Variants in SVIL observed in about 807,000 individuals in gnomAD.
The protein encoded by SVIL is supervillin, also known as archvillin.
A neutral mutation model predicts 240.4 loss-of-function variants in SVIL; 101 were observed. The ratio of observed to expected loss-of-function variants is 0.42; its 90% CI spans 0.36 to 0.50. SVIL has a LOEUF of 0.50. Among genes scored for constraint, SVIL ranks in the 20% least tolerant of loss-of-function variants. SVIL has a pLI of 0.01. For missense variants in SVIL, 2,512 were observed against 2,818.7 expected (o/e 0.89, Z 2.46); for synonymous variants, 999 against 1,100.0 (o/e 0.91, Z 1.82).
chr10:29,524,744 T>C, intron 13 of SVIL, 29 bp from the exon 14 acceptor site: 2 of 1,607,148 alleles, frequency 1.2e-6, no homozygotes, highest in Non-Finnish European at 1.7e-6. Context: ...CAGCAACACA[T>C]ATACCAACAA....
intron 2 of SVIL, among the ~76,000 whole-genome samples, chr10:29,565,597 T>C (rs7096551): frequency 0.43 from 65,683 of 152,000 alleles, 14,279 homozygotes; most frequent in African/African-American, 0.47. Context: ...CACTGCCTAT[T>C]GTGACCATCA....
intron 7 of SVIL, 30 bp downstream of exon 7, chr10:29,535,959 A>T: frequency 5.0e-6 from 8 of 1,612,580 alleles, no homozygotes; most frequent in Non-Finnish European, 5.1e-6. Flanking sequence ...ACTCATGCAC[A>T]CAAGCCCCAG....
At chr10:29,713,473 T>C (rs1045472681) in intron 1 of SVIL, among the ~76,000 whole-genome samples, 10 of 152,234 alleles carry the variant, frequency 6.6e-5, no homozygotes, top group Admixed American at 5.9e-4. Context: ...CACGATCTGA[T>C]TTTTTCAGCC....
chr10:29,722,296 C>A lies in SVIL; in HGVS notation c.-400+13455G>T, dbSNP rs193244875. Among the ~76,000 whole-genome samples the A allele has an allele frequency of 2.7e-5, 4 of 148,620 alleles. No homozygotes were observed. In the East Asian group the frequency reaches 5.9e-4, roughly 22 times the overall value. ...TCAGCAAGTACGAGTTTTTAAAATG[C>A]AAAAATTTCCCAAATTTCTACTGAA... On this transcript the variant is annotated intron_variant, in intron 1 of 35. Coordinates refer to the SVIL transcript ENST00000375400.
At chr10:29,632,785 G>T (rs1375741757) in intron 1 of SVIL, among the ~76,000 whole-genome samples, 1 of 152,110 alleles carries the variant, frequency 6.6e-6, no homozygotes, top group Non-Finnish European at 1.5e-5. Flanking sequence ...TACTACAATA[G>T]CTTGTATAAC....
At chr10:29,510,343 C>A (rs2132481372) in intron 17 of SVIL, among the ~76,000 whole-genome samples, 1 of 152,194 alleles carries the variant, frequency 6.6e-6, no homozygotes, top group African/African-American at 2.4e-5. Flanking sequence ...AATGTGACTC[C>A]AAGGAAATTT....
chr10:29,659,549 T>C (rs1959097479), intron 2 of SVIL, among the ~76,000 whole-genome samples: 1 of 152,172 alleles, frequency 6.6e-6, no homozygotes, highest in South Asian at 2.1e-4. Context: ...GCCTGGTTTA[T>C]CCAGCATAGA....
At chr10:29,508,467 A>G in intron 17 of SVIL, 1 of 1,191,112 alleles carries the variant, frequency 8.4e-7, no homozygotes, top group South Asian at 1.3e-5. Flanking sequence ...AATCACCTTC[A>G]AGTATTTCAT....
chr10:29,560,741 T>C (rs1954380966), intron 3 of SVIL, among the ~76,000 whole-genome samples: 1 of 152,044 alleles, frequency 6.6e-6, no homozygotes, highest in Non-Finnish European at 1.5e-5. Context: ...ATGAAATTGC[T>C]GGTCTTTCCA....
At chr10:29,485,513 T>G (rs16930268) in intron 26 of SVIL, among the ~76,000 whole-genome samples, 12,319 of 152,286 alleles carry the variant, frequency 0.081, 518 homozygotes, top group Admixed American at 0.12. Context: ...TTTCTGTGAC[T>G]TTTCCCTCAT....
intron 1 of SVIL, among the ~76,000 whole-genome samples, chr10:29,589,270 TCGA>T (rs1956293584): frequency 6.6e-6 from 1 of 152,178 alleles, no homozygotes; most frequent in South Asian, 2.1e-4. Flanking sequence ...CCGCACGGCC[TCGA>T]CACTGAAGCA....
chr10:29,478,653 A>G (rs1476972678), intron 29 of SVIL, among the ~76,000 whole-genome samples: 1 of 152,132 alleles, frequency 6.6e-6, no homozygotes, highest in East Asian at 1.9e-4. Flanking sequence ...TAAGAAATTA[A>G]GTAGATGAGG....
intron 3 of SVIL, among the ~76,000 whole-genome samples, chr10:29,557,696 T>G (rs1381476725): frequency 6.6e-6 from 1 of 152,236 alleles, no homozygotes; most frequent in Non-Finnish European, 1.5e-5. Flanking sequence ...AAAGATCTAG[T>G]TGGGAGACTG....
Position 29,524,471 on chromosome 10 carries a change from C to T in SVIL, c.2586+1G>A. 2.5e-6 allele frequency: 4 copies of T among 1,614,016 alleles called. No individual in the cohort carries two copies. The highest frequency in any genetic ancestry group is 2.2e-5 in the East Asian group (1 of 44,880). On this transcript the variant is annotated splice_donor_variant, in intron 14 of 37. Transcript: ENST00000355867. LOFTEE classifies it high-confidence loss of function. ...CTGCAATCGGACTATAGCACACCCA[C>T]CTGCTCCACCTCTCCCAGTGTGACT...
intron 2 of SVIL, among the ~76,000 whole-genome samples, chr10:29,677,427 G>T (rs1455614105): frequency 6.6e-6 from 1 of 152,080 alleles, no homozygotes; most frequent in Non-Finnish European, 1.5e-5. Flanking sequence ...ACCTGGGTCA[G>T]AATGACAGGG....
At chr10:29,708,375 C>G (rs1044745309) in intron 1 of SVIL, among the ~76,000 whole-genome samples, 1 of 151,768 alleles carries the variant, frequency 6.6e-6, no homozygotes, top group African/African-American at 2.4e-5. Flanking sequence ...AATCCCAGCA[C>G]TTTGGGAGGC....
At chr10:29,620,924 GACTTTTTAAATAA>G (rs1279546760) in intron 1 of SVIL, among the ~76,000 whole-genome samples, 1 of 151,134 alleles carries the variant, frequency 6.6e-6, no homozygotes, top group African/African-American at 2.4e-5. Context: ...GGCTATCCCT[GACTTTTTAAATAA>G]ACTTTTTAAA....
intron 17 of SVIL, among the ~76,000 whole-genome samples, chr10:29,504,116 C>T (rs528171749): frequency 6.6e-5 from 10 of 152,106 alleles, no homozygotes; most frequent in East Asian, 1.9e-4. Context: ...TTTCAACAAA[C>T]GATGCTGGAA....
At chr10:29,562,547 G>C (rs1954584472) in intron 3 of SVIL, among the ~76,000 whole-genome samples, 1 of 152,198 alleles carries the variant, frequency 6.6e-6, no homozygotes, top group Non-Finnish European at 1.5e-5. Context: ...GATCACCTAA[G>C]ATCGGGAGTC....
Sources: gnomAD v4.1 joint callset for allele counts (sites outside exome capture counted in the v4.1 genomes callset) on GRCh38, gnomAD v4.1.1 for gene constraint, MANE v1.5 for transcripts, NCBI Gene and HGNC (gene_info 2026-07-23, HGNC 2026-07-21) for gene names.